PRSS3: variants seen among roughly 807,000 people sequenced by gnomAD.
The protein encoded by PRSS3 is serine protease 3.
PRSS3 carries 14 observed loss-of-function variants against 20.8 expected under a neutral mutation model. The ratio of observed to expected loss-of-function variants is 0.67; its 90% CI spans 0.44 to 1.05. The LOEUF is 1.05. Among genes scored for constraint, PRSS3 ranks in the 50% least tolerant of loss-of-function variants. PRSS3 has a pLI of 0.00. For missense variants in PRSS3, 237 were observed against 306.4 expected (o/e 0.77, Z 1.69); for synonymous variants, 91 against 117.6 (o/e 0.77, Z 1.46).
intron 1 of PRSS3, among the ~76,000 whole-genome samples, chr9:33,762,629 G>A (rs372118761): frequency 5.3e-5 from 8 of 152,172 alleles, no homozygotes; most frequent in South Asian, 2.1e-4. Flanking sequence ...GTACAAAAAC[G>A]ATGAAAATAA....
At chr9:33,795,684 C>A in intron 1 of PRSS3, 71 bp downstream of exon 1, 1 of 1,547,398 alleles carries the variant, frequency 6.5e-7, no homozygotes, top group South Asian at 1.1e-5. Context: ...GCCATTCTTG[C>A]CACCTCTCCT....
intron 1 of PRSS3, among the ~76,000 whole-genome samples, chr9:33,789,714 AG>A (rs1028691217): frequency 6.6e-6 from 1 of 152,214 alleles, no homozygotes; most frequent in Non-Finnish European, 1.5e-5. Flanking sequence ...CCATTACCAT[AG>A]GAAGTTGACA....
chr9:33,790,700 A>C (rs1259447416), upstream of PRSS3, among the ~76,000 whole-genome samples: 1 of 152,190 alleles, frequency 6.6e-6, no homozygotes, highest in African/African-American at 2.4e-5. Context: ...ATACCTCCTC[A>C]CATGTGCATA....
At chr9:33,754,367 G>T (rs1191540124) in intron 1 of PRSS3, among the ~76,000 whole-genome samples, 2 of 151,942 alleles carry the variant, frequency 1.3e-5, no homozygotes, top group Non-Finnish European at 2.9e-5. Context: ...GCCGCGCCTG[G>T]CTTGTCCTTC....
chr9:33,760,515 C>T (rs1342362457), intron 1 of PRSS3, among the ~76,000 whole-genome samples: 1 of 151,856 alleles, frequency 6.6e-6, no homozygotes, highest in Non-Finnish European at 1.5e-5. Context: ...GGGAGGCCGA[C>T]GCTGGTGGAT....
chr9:33,785,160 A>ATTTTTTT lies in PRSS3; in HGVS notation c.-52-9557_-52-9551dup, dbSNP rs74180504. 4.4e-3 allele frequency among the ~76,000 whole-genome samples: 318 copies of ATTTTTTT among 72,468 alleles called. 25 individuals carry two copies. Among genetic ancestry groups the ATTTTTTT allele is most frequent in the African/African-American group, 0.01 (139 of 13,310 alleles). 47.5% of individuals were successfully genotyped at this position (72,468 alleles called of 152,430 possible). ...GAAAAAGATCATAGCATTGTGGTCA[A>ATTTTTTT]TTTTTTTTTTTTTTTTTTTTTTTTT... On this transcript the variant is annotated intron_variant, in intron 1 of 5. Transcript: ENST00000342836.
upstream of PRSS3, among the ~76,000 whole-genome samples, chr9:33,792,532 C>T (rs1424696683): frequency 6.6e-6 from 1 of 152,200 alleles, no homozygotes; most frequent in Non-Finnish European, 1.5e-5. Context: ...CTGCTGCCTA[C>T]CACCTCAGTG....
At position 33,755,803 on chromosome 9, in the gene PRSS3, A is replaced by C. The variant is rs1329264027; in HGVS notation, c.-53+5076A>C. Among the ~76,000 whole-genome samples the C allele has an allele frequency of 1.3e-5, 2 of 152,132 alleles. 1 individual carries two copies. The highest frequency in any genetic ancestry group is 1.3e-4 in the Admixed American group (2 of 15,260). On this transcript the variant is annotated intron_variant, in intron 1 of 5. Coordinates refer to the PRSS3 transcript ENST00000342836. ...GGGCCCTCTGAGTGCTACTAATTGC[A>C]TGGAGCTGTTGAGTGGGGAGGAAAA... is the stretch of plus-strand genomic sequence containing the variant.
At chr9:33,781,085 T>C (rs1242432551) in intron 1 of PRSS3, among the ~76,000 whole-genome samples, 1 of 152,234 alleles carries the variant, frequency 6.6e-6, no homozygotes, top group Admixed American at 6.5e-5. Flanking sequence ...TTATACATTG[T>C]TGGTGGAAAT....
At chr9:33,781,107 C>T (rs1393403037) in intron 1 of PRSS3, among the ~76,000 whole-genome samples, 1 of 152,166 alleles carries the variant, frequency 6.6e-6, no homozygotes, top group African/African-American at 2.4e-5. Flanking sequence ...TAAATTAGTT[C>T]AGGCACTGAG....
intron 1 of PRSS3, among the ~76,000 whole-genome samples, chr9:33,774,369 C>T (rs1006589554): frequency 2.0e-5 from 3 of 152,170 alleles, no homozygotes; most frequent in Non-Finnish European, 4.4e-5. Flanking sequence ...TAAATTTCTA[C>T]AGACATGCTG....
intron 1 of PRSS3, among the ~76,000 whole-genome samples, chr9:33,796,097 G>A (rs1444543964): frequency 6.6e-6 from 1 of 152,052 alleles, no homozygotes; most frequent in Non-Finnish European, 1.5e-5. Flanking sequence ...TGCCGCCAAA[G>A]TTAAGAATTG....
intron 1 of PRSS3, among the ~76,000 whole-genome samples, chr9:33,753,292 C>A (rs1418903082): frequency 6.6e-6 from 1 of 152,028 alleles, no homozygotes; most frequent in Non-Finnish European, 1.5e-5. Context: ...ACAAAAATAT[C>A]TTAGAGCTGG....
At position 33,796,653 on chromosome 9, in the gene PRSS3, CT is replaced by C. The variant is rs1479607683; in HGVS notation, c.54del (p.Phe18LeufsTer24). The C allele has an allele frequency of 6.2e-7, 1 of 1,613,946 alleles. No individual in the cohort carries two copies. Among genetic ancestry groups the C allele is most frequent in the East Asian group, 2.2e-5 (1 of 44,876 alleles). ...CTATTTCCACTCCAGTTGCTGTCCC[CT>C]TTGACGATGATGACAAGATTGTTGG... ...AFVGAAVAVP[F>X]DDDDKIVGGY... On this transcript the variant is annotated frameshift_variant, in exon 2 of 5. Transcript: ENST00000379405. LOFTEE classifies it high-confidence loss of function.
Position 33,795,616 on chromosome 9 carries a change from G to C in PRSS3, c.40+3G>C. The C allele has an allele frequency of 6.2e-7, 1 of 1,614,004 alleles. No homozygotes were observed. The highest frequency in any genetic ancestry group is 8.5e-7 in the Non-Finnish European group (1 of 1,179,956). On this transcript the variant is annotated splice_donor_region_variant and intron_variant, in intron 1 of 4. Coordinates refer to ENST00000379405, the MANE Select transcript of PRSS3 (RefSeq NM_002771.4). ...CCTTGCCTTTGTGGGAGCTGCTGGC[G>C]AGTTTCATGACCTGCCTCAGGCCCC...
At chr9:33,796,252 G>A (rs72711743) in intron 1 of PRSS3, among the ~76,000 whole-genome samples, 9,443 of 152,244 alleles carry the variant, frequency 0.062, 360 homozygotes, top group Non-Finnish European at 0.092. Context: ...GGTTTTCCTA[G>A]CTTAGCCAAA....
upstream of PRSS3, among the ~76,000 whole-genome samples, chr9:33,794,175 A>T (rs1291854220): frequency 6.6e-6 from 1 of 152,162 alleles, no homozygotes; most frequent in Non-Finnish European, 1.5e-5. Flanking sequence ...GCCATGTCCG[A>T]TCTCAACACG....
chr9:33,775,459 C>G (rs1315615302), intron 1 of PRSS3, among the ~76,000 whole-genome samples: 2 of 151,662 alleles, frequency 1.3e-5, no homozygotes, highest in Admixed American at 1.3e-4. Flanking sequence ...TGCAGCCCCA[C>G]TTGGGGCAAG....
chr9:33,758,797 G>A (rs1187373073), intron 1 of PRSS3, among the ~76,000 whole-genome samples: 1 of 152,176 alleles, frequency 6.6e-6, no homozygotes, highest in Non-Finnish European at 1.5e-5. Context: ...AGGAGATGGT[G>A]TTCTCTTGAT....
Sources: gnomAD v4.1 joint callset for allele counts (sites outside exome capture counted in the v4.1 genomes callset) on GRCh38, gnomAD v4.1.1 for gene constraint, MANE v1.5 for transcripts, NCBI Gene and HGNC (gene_info 2026-07-23, HGNC 2026-07-21) for gene names.